Variants in SEMA5A observed in about 807,000 individuals in gnomAD.
The protein encoded by SEMA5A is semaphorin-5A.
In SEMA5A, 55 loss-of-function variants were observed where a neutral mutation model predicts 135.5. The ratio of observed to expected loss-of-function variants is 0.41; its 90% CI spans 0.33 to 0.51. The LOEUF is 0.51. SEMA5A is among the 20% of genes least tolerant of loss of function. SEMA5A has a pLI of 0.37. For missense variants in SEMA5A, 1,290 were observed against 1,419.9 expected, an observed-to-expected ratio of 0.91 and a Z score of 1.47; for synonymous variants, 580 against 546.5, an observed-to-expected ratio of 1.06 and a Z score of -0.85.
chr5:9,246,877 G>A (rs185549093), intron 5 of SEMA5A, among the ~76,000 whole-genome samples: 4 of 152,212 alleles, frequency 2.6e-5, no homozygotes, highest in Admixed American at 6.5e-5. Context: ...TCTTTCACAC[G>A]CCAGTTAACT....
At chr5:9,297,618 G>A (rs1213294782) in intron 5 of SEMA5A, among the ~76,000 whole-genome samples, 2 of 152,020 alleles carry the variant, frequency 1.3e-5, no homozygotes, top group African/African-American at 4.8e-5. Context: ...GTAGTGGCAT[G>A]ATCTTGGCTC....
intron 16 of SEMA5A, among the ~76,000 whole-genome samples, chr5:9,081,228 GAA>G (rs1355588275): frequency 6.6e-6 from 1 of 152,148 alleles, no homozygotes; most frequent in African/African-American, 2.4e-5. Context: ...CTGAGCCACA[GAA>G]AAGACTGTAG....
chr5:9,150,487 C>A (rs746539271), intron 12 of SEMA5A, among the ~76,000 whole-genome samples: 7 of 152,082 alleles, frequency 4.6e-5, no homozygotes, highest in African/African-American at 1.7e-4. Flanking sequence ...AAAAAAAATG[C>A]TAACATCAAA....
intron 3 of SEMA5A, among the ~76,000 whole-genome samples, chr5:9,362,485 C>T (rs376316253): frequency 9.2e-5 from 14 of 152,270 alleles, no homozygotes; most frequent in African/African-American, 2.4e-4. Context: ...TACTACCCTA[C>T]GAGGGCAGAG....
At chr5:9,050,537 C>A in intron 20 of SEMA5A, 80 bp from the exon 21 acceptor site, 1 of 1,143,646 alleles carries the variant, frequency 8.7e-7, no homozygotes, top group Non-Finnish European at 1.2e-6. Flanking sequence ...GTATGTTTGT[C>A]TAATGATTCT....
intron 8 of SEMA5A, among the ~76,000 whole-genome samples, chr5:9,208,688 C>T (rs986634006): frequency 6.6e-6 from 1 of 152,118 alleles, no homozygotes; most frequent in African/African-American, 2.4e-5. Flanking sequence ...CAGTCAGGAT[C>T]AAAGAGATCA....
At position 9,042,834 on chromosome 5, in the gene SEMA5A, C is replaced by A; in HGVS notation, c.*63G>T. On this transcript the variant is annotated 3_prime_UTR_variant, in exon 23 of 23. Coordinates refer to ENST00000382496, the MANE Select transcript of SEMA5A (RefSeq NM_003966.3). Reference sequence around the variant, plus strand: ...GACTCTGAAGCCTCAGAAACATGGGCAGTCATGGGGCACAGGCCTTGAGGA... The same window carrying A: ...GACTCTGAAGCCTCAGAAACATGGGAAGTCATGGGGCACAGGCCTTGAGGA... 1 of 1,589,760 alleles carries A rather than the reference C, an allele frequency of 6.3e-7. No homozygotes were observed. Among genetic ancestry groups the A allele is most frequent in the Non-Finnish European group, 8.6e-7 (1 of 1,162,334 alleles).
At chr5:9,418,015 C>T (rs572687700) in intron 2 of SEMA5A, among the ~76,000 whole-genome samples, 5 of 150,538 alleles carry the variant, frequency 3.3e-5, no homozygotes, top group South Asian at 2.1e-4. Flanking sequence ...CTCGCTCTGT[C>T]GCCCAGGCTG....
At chr5:9,461,793 T>G (rs1005586832) in intron 1 of SEMA5A, among the ~76,000 whole-genome samples, 1 of 152,228 alleles carries the variant, frequency 6.6e-6, no homozygotes, top group Non-Finnish European at 1.5e-5. Flanking sequence ...TTCTTTTATT[T>G]AAAAAACTAT....
intron 2 of SEMA5A, among the ~76,000 whole-genome samples, chr5:9,387,631 T>C (rs927125147): frequency 2.0e-5 from 3 of 152,218 alleles, no homozygotes; most frequent in East Asian, 1.9e-4. Flanking sequence ...AAGGAATGTA[T>C]TAAATGAATC....
chr5:9,303,774 T>C (rs183705201), intron 5 of SEMA5A, among the ~76,000 whole-genome samples: 143 of 152,290 alleles, frequency 9.4e-4, no homozygotes, highest in African/African-American at 3.3e-3. Context: ...AAAAATCACT[T>C]AATCAGAATC....
chr5:9,372,917 C>T (rs1344343342), intron 3 of SEMA5A, among the ~76,000 whole-genome samples: 2 of 152,174 alleles, frequency 1.3e-5, no homozygotes, highest in East Asian at 3.9e-4. Flanking sequence ...CTTCTCCAGC[C>T]GCAGGAGGAG....
chr5:9,473,217 A>C (rs751420918), intron 1 of SEMA5A, among the ~76,000 whole-genome samples: 1 of 148,806 alleles, frequency 6.7e-6, no homozygotes, highest in African/African-American at 2.4e-5. Context: ...AGAAAAAAAA[A>C]AAGAATGATA....
At chr5:9,136,850 C>G (rs1038844655) in intron 12 of SEMA5A, among the ~76,000 whole-genome samples, 8 of 152,166 alleles carry the variant, frequency 5.3e-5, no homozygotes, top group African/African-American at 1.9e-4. Flanking sequence ...TTTAATCTAA[C>G]ATACATGACA....
intron 16 of SEMA5A, among the ~76,000 whole-genome samples, chr5:9,103,981 A>G (rs949962803): frequency 1.3e-5 from 2 of 152,208 alleles, no homozygotes; most frequent in Admixed American, 1.3e-4. Context: ...AGAGCTATAG[A>G]AAGACAAAAA....
intron 1 of SEMA5A, among the ~76,000 whole-genome samples, chr5:9,521,121 T>C (rs1338708945): frequency 6.6e-6 from 1 of 152,222 alleles, no homozygotes; most frequent in Non-Finnish European, 1.5e-5. Flanking sequence ...TTCTAGAACA[T>C]TTTTTAGGCT....
At chr5:9,470,263 G>A (rs535892509) in intron 1 of SEMA5A, among the ~76,000 whole-genome samples, 9 of 152,320 alleles carry the variant, frequency 5.9e-5, no homozygotes, top group African/African-American at 1.9e-4. Context: ...GAAATTCCTT[G>A]TTCCTATAGT....
intron 15 of SEMA5A, among the ~76,000 whole-genome samples, chr5:9,113,135 TA>T (rs1234966267): frequency 6.6e-6 from 1 of 152,262 alleles, no homozygotes; most frequent in East Asian, 1.9e-4. Context: ...GTGCCCAGAT[TA>T]AAAAACTCAT....
At chr5:9,087,342 A>C (rs1460077301) in intron 16 of SEMA5A, among the ~76,000 whole-genome samples, 2 of 152,194 alleles carry the variant, frequency 1.3e-5, no homozygotes, top group African/African-American at 4.8e-5. Flanking sequence ...GATATAAAAC[A>C]GTTCATTTAT....
Sources: allele counts gnomAD v4.1 joint callset (sites outside exome capture counted in the v4.1 genomes callset), GRCh38; gene constraint gnomAD v4.1.1; transcripts MANE v1.5; gene names NCBI Gene and HGNC (gene_info 2026-07-23, HGNC 2026-07-21).